Variants in DOCK3 observed in about 807,000 individuals in gnomAD.
DOCK3 encodes dedicator of cytokinesis protein 3.
Under a neutral mutation model 265.6 loss-of-function variants are expected in DOCK3, and 60 were observed. That is an observed-to-expected ratio of 0.23 (90% CI 0.18 to 0.28). DOCK3 has a LOEUF of 0.28. Among genes scored for constraint, DOCK3 ranks in the 10% least tolerant of loss-of-function variants. DOCK3 has a pLI of 1.00. For missense variants in DOCK3, 1,981 were observed against 2,594.3 expected (o/e 0.76, Z 5.14); for synonymous variants, 881 against 938.0 (o/e 0.94, Z 1.11).
intron 1 of DOCK3, among the ~76,000 whole-genome samples, chr3:50,743,200 A>G (rs1349013435): frequency 6.7e-6 from 1 of 149,798 alleles, no homozygotes; most frequent in African/African-American, 2.4e-5. Context: ...GAAGCACTAA[A>G]CGTGGAAAGG....
At chr3:50,704,625 ATTTT>A (rs58284778) in intron 1 of DOCK3, among the ~76,000 whole-genome samples, 2 of 111,012 alleles carry the variant, frequency 1.8e-5, no homozygotes, top group Non-Finnish European at 1.9e-5. Flanking sequence ...TGTAGGCAGC[ATTTT>A]TTTTTTTTTT....
At chr3:51,282,851 C>T (rs904418033) in intron 27 of DOCK3, among the ~76,000 whole-genome samples, 1 of 152,018 alleles carries the variant, frequency 6.6e-6, no homozygotes, top group Non-Finnish European at 1.5e-5. Flanking sequence ...GTAATAAATA[C>T]TGTGATAAGA....
chr3:51,192,371 C>A (rs1231914993), intron 12 of DOCK3, among the ~76,000 whole-genome samples: 2 of 151,616 alleles, frequency 1.3e-5, no homozygotes, highest in Non-Finnish European at 2.9e-5. Flanking sequence ...ACCCTGATAG[C>A]AATACCAGGC....
chr3:51,250,640 C>A (rs955162033), intron 22 of DOCK3, among the ~76,000 whole-genome samples: 1 of 152,058 alleles, frequency 6.6e-6, no homozygotes, highest in South Asian at 2.1e-4. Context: ...AACAAACAAA[C>A]AAACTCGATG....
intron 27 of DOCK3, among the ~76,000 whole-genome samples, chr3:51,280,917 A>G (rs1329547343): frequency 2.6e-5 from 4 of 152,108 alleles, no homozygotes; most frequent in Admixed American, 6.5e-5. Context: ...TTCTTTTGCT[A>G]TTCTTCAGGA....
intron 1 of DOCK3, among the ~76,000 whole-genome samples, chr3:50,710,764 C>T (rs1411574699): frequency 6.6e-6 from 1 of 152,188 alleles, no homozygotes; most frequent in Non-Finnish European, 1.5e-5. Flanking sequence ...CCTAAATGCC[C>T]ATTAACCAAT....
chr3:51,240,930 T>C (rs747519446), intron 21 of DOCK3, among the ~76,000 whole-genome samples: 9 of 152,238 alleles, frequency 5.9e-5, no homozygotes, highest in Non-Finnish European at 8.8e-5. Flanking sequence ...TCCATTTATA[T>C]TCAAAGTTAG....
At chr3:51,117,288 C>T (rs1039994742) in intron 9 of DOCK3, among the ~76,000 whole-genome samples, 3 of 152,156 alleles carry the variant, frequency 2.0e-5, no homozygotes, top group Admixed American at 2.0e-4. Flanking sequence ...TATGTTGAAT[C>T]AGCCTTGCCT....
intron 1 of DOCK3, among the ~76,000 whole-genome samples, chr3:50,678,450 C>T (rs1215085699): frequency 2.6e-5 from 4 of 152,142 alleles, no homozygotes; most frequent in African/African-American, 9.7e-5. Flanking sequence ...CAAGAAAATG[C>T]TTTTCTCACC....
chr3:51,112,173 CAG>C (rs1467386614), intron 9 of DOCK3, among the ~76,000 whole-genome samples: 1 of 152,160 alleles, frequency 6.6e-6, no homozygotes, highest in Admixed American at 6.5e-5. Flanking sequence ...GACCTAAAAA[CAG>C]AACTACCATT....
intron 5 of DOCK3, among the ~76,000 whole-genome samples, chr3:51,022,929 T>C (rs887337355): frequency 1.3e-5 from 2 of 152,222 alleles, no homozygotes; most frequent in Admixed American, 6.5e-5. Flanking sequence ...CATCATTTAT[T>C]TAATAGTGTA....
At chr3:51,173,890 C>T (rs2107655081) in intron 12 of DOCK3, among the ~76,000 whole-genome samples, 1 of 152,134 alleles carries the variant, frequency 6.6e-6, no homozygotes, top group East Asian at 1.9e-4. Context: ...TTAAATTTTT[C>T]CCCCTTTTCT....
intron 48 of DOCK3, 106 bp from the exon 49 acceptor site, chr3:51,362,421 A>C: frequency 7.0e-7 from 1 of 1,436,664 alleles, no homozygotes; most frequent in East Asian, 2.3e-5. Flanking sequence ...GGATAGCATA[A>C]GGCACTGGGG....
rs1416052308 is a variant in DOCK3, at chr3:51,383,354, A to G, written c.*1795A>G. 3.3e-5 allele frequency: 5 copies of G among 152,568 alleles called. No homozygotes were observed. The highest frequency in any genetic ancestry group is 7.3e-5 in the Non-Finnish European group (5 of 68,072). 9.5% of individuals were successfully genotyped at this position (152,568 alleles called of 1,614,324 possible). A position where few individuals can be genotyped will look rare whatever the true frequency, so the allele number is the denominator to read the frequency against. ...ATATGGGTCAGTTACAGCAGCCCTC[A>G]CCTCAAAGGGCTGGCCTGCTTCTCA... On this transcript the variant is annotated 3_prime_UTR_variant, in exon 53 of 53. Coordinates refer to ENST00000266037, the MANE Select transcript of DOCK3 (RefSeq NM_004947.5).
chr3:50,946,212 T>C (rs1206064536), intron 5 of DOCK3, among the ~76,000 whole-genome samples: 2 of 152,090 alleles, frequency 1.3e-5, no homozygotes, highest in Non-Finnish European at 2.9e-5. Flanking sequence ...TTTACTGTTG[T>C]AGGAGTCTGT....
chr3:51,144,742 T>C (rs1005945430), intron 9 of DOCK3, among the ~76,000 whole-genome samples: 1 of 152,228 alleles, frequency 6.6e-6, no homozygotes, highest in African/African-American at 2.4e-5. Flanking sequence ...GTATATGTCT[T>C]GTTCACATTT....
chr3:50,930,622 G>T (rs992570820), intron 4 of DOCK3, among the ~76,000 whole-genome samples: 4 of 152,210 alleles, frequency 2.6e-5, no homozygotes, highest in African/African-American at 7.2e-5. Flanking sequence ...TGGCTCCAGT[G>T]CTCAGGGGCA....
intron 32 of DOCK3, among the ~76,000 whole-genome samples, chr3:51,324,935 TTAAATA>T (rs1287591397): frequency 6.6e-6 from 1 of 152,134 alleles, no homozygotes; most frequent in East Asian, 1.9e-4. Flanking sequence ...ATTAAAGACT[TTAAATA>T]TAAGACATAA....
At chr3:51,122,417 AG>A (rs1404143813) in intron 9 of DOCK3, among the ~76,000 whole-genome samples, 4 of 152,212 alleles carry the variant, frequency 2.6e-5, no homozygotes, top group Non-Finnish European at 1.5e-5. Flanking sequence ...GGTTACAGTG[AG>A]CCCAGACAAC....
Sources: allele counts gnomAD v4.1 joint callset (sites outside exome capture counted in the v4.1 genomes callset), GRCh38; gene constraint gnomAD v4.1.1; transcripts MANE v1.5; gene names NCBI Gene and HGNC (gene_info 2026-07-23, HGNC 2026-07-21).